FAM184A: variants seen among roughly 807,000 people sequenced by gnomAD.
FAM184A encodes protein FAM184A.
A neutral mutation model predicts 143.8 loss-of-function variants in FAM184A; 99 were observed. The ratio of observed to expected loss-of-function variants is 0.69; its 90% CI spans 0.58 to 0.81. FAM184A has a LOEUF of 0.81. FAM184A is among the 40% of genes least tolerant of loss of function. FAM184A has a pLI of 0.00. For synonymous variants in FAM184A, 427 were observed against 446.4 expected, an observed-to-expected ratio of 0.96 and a Z score of 0.55; for missense variants, 1,217 against 1,310.5, an observed-to-expected ratio of 0.93 and a Z score of 1.10.
chr6:119,095,613 CAATG>C, intron 1 of FAM184A, among the ~76,000 whole-genome samples: 1 of 152,054 alleles, frequency 6.6e-6, no homozygotes, highest in East Asian at 1.9e-4. Context: ...GGCTACAGTG[CAATG>C]GTGTGATCAT....
At position 119,023,943 on chromosome 6, in the gene FAM184A, A is replaced by G; in HGVS notation, c.1014+16T>C. ...GAAAAAAAATCCATGTGTTGAATAT[A>G]ATATTCTTTACTTACCTGAACATTG... On this transcript the variant is annotated intron_variant, in intron 2 of 17. Coordinates refer to ENST00000338891, the MANE Select transcript of FAM184A (RefSeq NM_024581.6). The G allele has an allele frequency of 6.5e-7, 1 of 1,540,604 alleles. No homozygotes were observed. The highest frequency in any genetic ancestry group is 8.7e-7 in the Non-Finnish European group (1 of 1,151,498).
At chr6:118,966,637 C>T (rs1221682669) in intron 15 of FAM184A, among the ~76,000 whole-genome samples, 198 bp downstream of exon 15, 2 of 152,120 alleles carry the variant, frequency 1.3e-5, no homozygotes, top group African/African-American at 2.4e-5. Context: ...GAAAGACGTA[C>T]AATTCCCTTA....
chr6:119,100,999 C>A (rs1788623531), intron 1 of FAM184A, among the ~76,000 whole-genome samples: 1 of 151,874 alleles, frequency 6.6e-6, no homozygotes, highest in African/African-American at 2.4e-5. Context: ...TCTCTATATC[C>A]TCATGTTTTT....
chr6:119,134,399 G>T (rs1789608387), intron 1 of FAM184A, among the ~76,000 whole-genome samples: 1 of 152,040 alleles, frequency 6.6e-6, no homozygotes, highest in African/African-American at 2.4e-5. Flanking sequence ...AAATTTAAAA[G>T]TCTATTGCGG....
intron 1 of FAM184A, among the ~76,000 whole-genome samples, chr6:119,094,401 C>G (rs1236739554): frequency 6.6e-6 from 1 of 152,056 alleles, no homozygotes; most frequent in East Asian, 1.9e-4. Flanking sequence ...AATTCCACTA[C>G]TGTTATAATT....
intron 1 of FAM184A, among the ~76,000 whole-genome samples, chr6:119,025,245 G>A (rs2114693210): frequency 6.6e-6 from 1 of 152,266 alleles, no homozygotes; most frequent in East Asian, 1.9e-4. Flanking sequence ...AGAGATACGA[G>A]AGGCTTCACA....
intron 17 of FAM184A, chr6:118,960,845 A>C: frequency 7.3e-7 from 1 of 1,364,854 alleles, no homozygotes; most frequent in South Asian, 1.1e-5. Context: ...GAGCTCATGC[A>C]CATGCATCTT....
intron 1 of FAM184A, among the ~76,000 whole-genome samples, chr6:119,126,725 G>C (rs1789377372): frequency 1.3e-5 from 2 of 152,234 alleles, no homozygotes; most frequent in African/African-American, 4.8e-5. Context: ...CAGAGGGTCA[G>C]TGTGTTAGCC....
At chr6:118,977,567 T>G (rs1000597787) in intron 11 of FAM184A, among the ~76,000 whole-genome samples, 1 of 151,982 alleles carries the variant, frequency 6.6e-6, no homozygotes, top group African/African-American at 2.4e-5. Context: ...GGCAACAGAG[T>G]GAGACCCTAT....
At chr6:119,103,785 G>A (rs1369568111) in intron 1 of FAM184A, among the ~76,000 whole-genome samples, 1 of 151,808 alleles carries the variant, frequency 6.6e-6, no homozygotes, top group Non-Finnish European at 1.5e-5. Context: ...AAATTAGCCA[G>A]GCATGGTGGC....
intron 1 of FAM184A, among the ~76,000 whole-genome samples, chr6:119,072,292 C>T (rs1278256766): frequency 6.6e-6 from 1 of 152,216 alleles, no homozygotes; most frequent in Non-Finnish European, 1.5e-5. Flanking sequence ...ATCCAAACCA[C>T]TCCACTATGA....
chr6:118,970,008 A>ATATTTTTTTT, intron 14 of FAM184A, among the ~76,000 whole-genome samples: 3 of 19,050 alleles, frequency 1.6e-4, no homozygotes, highest in Non-Finnish European at 3.4e-4. Flanking sequence ...ATATATATAT[A>ATATTTTTTTT]TTTTTTTTTT....
At chr6:119,048,117 TAAAGACA>T (rs1786609224) in intron 1 of FAM184A, among the ~76,000 whole-genome samples, 1 of 152,144 alleles carries the variant, frequency 6.6e-6, no homozygotes, top group Non-Finnish European at 1.5e-5. Context: ...TAAACAGAAC[TAAAGACA>T]AAAGCCACAT....
intron 1 of FAM184A, among the ~76,000 whole-genome samples, chr6:119,108,540 AC>A (rs1196122596): frequency 1.3e-5 from 2 of 151,932 alleles, no homozygotes; most frequent in Non-Finnish European, 2.9e-5. Flanking sequence ...ACTCTTAAAA[AC>A]TTTTTCTTGA....
chr6:119,084,649 C>A (rs916017482), intron 1 of FAM184A, among the ~76,000 whole-genome samples: 1 of 152,238 alleles, frequency 6.6e-6, no homozygotes, highest in African/African-American at 2.4e-5. Context: ...GGCAATGTCC[C>A]AGTGAGGACT....
rs1787939350 is a variant in FAM184A at position 119,078,104 on chromosome 6, A to G, written c.159+37T>C. On this transcript the variant is annotated intron_variant, in intron 1 of 17. Transcript: ENST00000338891. The surrounding 1 kb of genome is among the most constrained non-coding windows in gnomAD (Gnocchi z 5.5). ...GACAGGTGAGTCCGGCGCGGCCCGCACGGGGTCGCCACCTGCCCCGTCGCT... is the reference window on the plus strand; with the variant it reads ...GACAGGTGAGTCCGGCGCGGCCCGCGCGGGGTCGCCACCTGCCCCGTCGCT... 6.4e-7 allele frequency: 1 copy of G among 1,552,570 alleles called. No individual in the cohort carries two copies. Among genetic ancestry groups the G allele is most frequent in the Non-Finnish European group, 8.7e-7 (1 of 1,153,682 alleles).
At chr6:119,092,773 A>G (rs1788407044) in intron 1 of FAM184A, among the ~76,000 whole-genome samples, 1 of 152,168 alleles carries the variant, frequency 6.6e-6, no homozygotes, top group African/African-American at 2.4e-5. Context: ...TGGGTCTGAT[A>G]ACTCACTCTG....
chr6:119,089,003 T>C (rs912945733), intron 1 of FAM184A, among the ~76,000 whole-genome samples: 17 of 152,050 alleles, frequency 1.1e-4, no homozygotes, highest in African/African-American at 3.9e-4. Context: ...TAAATGATCT[T>C]GAGTATTTCT....
rs116721301 is a variant in FAM184A, at chr6:118,968,113, G to A, written c.2916-1161C>T. Among the ~76,000 whole-genome samples the A allele has an allele frequency of 5.2e-3, 797 of 152,332 alleles. 8 individuals carry two copies. The highest frequency in any genetic ancestry group is 0.019 in the African/African-American group (771 of 41,584). ...GAAGGTGATGAGGAAGTGAGGAAGT[G>A]ATTGTCTCAGGATCAGCTAGGACTT... On this transcript the variant is annotated intron_variant, in intron 14 of 17. Transcript: ENST00000338891.
Sources: gnomAD v4.1 joint callset for allele counts (sites outside exome capture counted in the v4.1 genomes callset) on GRCh38, gnomAD v4.1.1 for gene constraint, Gnocchi (gnomAD v3.1) non-coding constraint, MANE v1.5 for transcripts, NCBI Gene and HGNC (gene_info 2026-07-23, HGNC 2026-07-21) for gene names.